Variants in CAMK4 observed in about 807,000 individuals in gnomAD.
CAMK4 encodes the protein calcium/calmodulin-dependent protein kinase type IV.
In CAMK4, 22 loss-of-function variants were observed where a neutral mutation model predicts 44.9. The observed-to-expected ratio is 0.49, with a 90% CI of 0.35 to 0.70. The LOEUF (loss-of-function observed/expected upper bound fraction) is 0.70, where lower values mean the gene tolerates loss of function less well. Among genes scored for constraint, CAMK4 ranks in the 30% least tolerant of loss-of-function variants. The pLI is 0.01. For missense variants in CAMK4, 498 were observed against 586.8 expected (o/e 0.85, Z 1.56); for synonymous variants, 218 against 215.4 (o/e 1.01, Z -0.11).
intron 1 of CAMK4, among the ~76,000 whole-genome samples, chr5:111,328,778 G>T (rs1749018732): frequency 6.6e-6 from 1 of 151,994 alleles, no homozygotes; most frequent in Admixed American, 6.6e-5. Context: ...AAGCAATTGT[G>T]AATGGGAGTT....
intron 2 of CAMK4, among the ~76,000 whole-genome samples, chr5:111,350,249 T>C (rs1750037960): frequency 6.6e-6 from 1 of 152,082 alleles, no homozygotes; most frequent in Non-Finnish European, 1.5e-5. Context: ...TGATGAACAT[T>C]ATTCTTATTA....
intron 7 of CAMK4, among the ~76,000 whole-genome samples, chr5:111,472,393 G>A (rs1450054027): frequency 6.6e-6 from 1 of 152,152 alleles, no homozygotes; most frequent in East Asian, 1.9e-4. Flanking sequence ...CCGCACTTGT[G>A]TTCAAAATCA....
chr5:111,479,913 C>G (rs898298463), intron 9 of CAMK4, among the ~76,000 whole-genome samples: 3 of 152,108 alleles, frequency 2.0e-5, no homozygotes, highest in Non-Finnish European at 4.4e-5. Flanking sequence ...TCTGACCTCC[C>G]TGCCTCTTCT....
intron 5 of CAMK4, among the ~76,000 whole-genome samples, chr5:111,419,287 GTTGT>G (rs1157482455): frequency 2.0e-5 from 3 of 152,130 alleles, no homozygotes; most frequent in African/African-American, 7.2e-5. Context: ...TTTTGATGGG[GTTGT>G]TTGTTTTTTT....
chr5:111,290,674 C>T lies in CAMK4; in HGVS notation c.162-53350C>T, dbSNP rs1747204558. ...GCTAGTGTTTCCACTGGTGTTTCCA[C>T]ATTTGTGAGTTGCATATGTGCGGGT... On this transcript the variant is annotated intron_variant, in intron 1 of 10. Transcript: ENST00000282356. The surrounding 1 kb of genome is among the most constrained non-coding windows in gnomAD (Gnocchi z 4.5). Among the ~76,000 whole-genome samples the T allele has an allele frequency of 6.6e-6, 1 of 152,114 alleles. No homozygotes were observed. The highest frequency in any genetic ancestry group is 1.5e-5 in the Non-Finnish European group (1 of 68,026).
chr5:111,379,612 T>C (rs369454115), intron 4 of CAMK4, among the ~76,000 whole-genome samples: 2 of 152,180 alleles, frequency 1.3e-5, no homozygotes, highest in South Asian at 4.1e-4. Flanking sequence ...ATCCAATGTA[T>C]TGATTTCTTT....
At chr5:111,335,543 A>G (rs968862190) in intron 1 of CAMK4, among the ~76,000 whole-genome samples, 1 of 151,374 alleles carries the variant, frequency 6.6e-6, no homozygotes, top group Admixed American at 6.6e-5. Flanking sequence ...TATGGGAGAA[A>G]AAGAAAGAAA....
intron 1 of CAMK4, among the ~76,000 whole-genome samples, chr5:111,332,163 C>G (rs892792584): frequency 6.6e-6 from 1 of 151,320 alleles, no homozygotes; most frequent in African/African-American, 2.4e-5. Context: ...ATGTGCCATG[C>G]TGGTGTGCTG....
rs533928061 is a variant in CAMK4, at chr5:111,280,228, C to A, written c.161+55584C>A. 2.0e-5 allele frequency among the ~76,000 whole-genome samples: 3 copies of A among 151,678 alleles called. No homozygotes were observed. The South Asian group carries it at 6.2e-4, about 31-fold the overall frequency. On this transcript the variant is annotated intron_variant, in intron 1 of 10. Transcript: ENST00000282356. ...CAGAACAAGCTTTTAAATGAATCTTCTAATTAGAAAAATATCAGGCTATAG... is the reference window on the plus strand; with the variant it reads ...CAGAACAAGCTTTTAAATGAATCTTATAATTAGAAAAATATCAGGCTATAG...
intron 7 of CAMK4, among the ~76,000 whole-genome samples, chr5:111,462,468 T>G (rs1169648034): frequency 2.6e-5 from 4 of 152,052 alleles, no homozygotes; most frequent in Admixed American, 2.6e-4. Flanking sequence ...ACACAGCAGG[T>G]GCTTAATAAA....
intron 1 of CAMK4, among the ~76,000 whole-genome samples, chr5:111,318,402 TTATAAAG>T (rs1184893842): frequency 6.6e-6 from 1 of 152,176 alleles, no homozygotes; most frequent in Non-Finnish European, 1.5e-5. Flanking sequence ...TCAATACTGT[TTATAAAG>T]TATAAGACTC....
chr5:111,472,320 T>C (rs1275231909), intron 7 of CAMK4, among the ~76,000 whole-genome samples: 1 of 152,130 alleles, frequency 6.6e-6, no homozygotes, highest in Non-Finnish European at 1.5e-5. Flanking sequence ...CCCCAAGGCC[T>C]TCCTCAAGCA....
intron 1 of CAMK4, among the ~76,000 whole-genome samples, chr5:111,335,752 G>T (rs572682688): frequency 2.2e-4 from 33 of 151,246 alleles, no homozygotes; most frequent in African/African-American, 7.3e-4. Context: ...TCAACATCAG[G>T]TGTTAATAGC....
At chr5:111,273,003 C>A (rs1190296300) in intron 1 of CAMK4, among the ~76,000 whole-genome samples, 2 of 152,114 alleles carry the variant, frequency 1.3e-5, no homozygotes, top group Non-Finnish European at 2.9e-5. Flanking sequence ...AGTGCCATAT[C>A]TATTTCTGTG....
chr5:111,276,064 C>G (rs1309180029), intron 1 of CAMK4, among the ~76,000 whole-genome samples: 2 of 152,058 alleles, frequency 1.3e-5, no homozygotes, highest in Admixed American at 1.3e-4. Context: ...GCTTATTTTC[C>G]TCTAAAATCC....
intron 5 of CAMK4, among the ~76,000 whole-genome samples, chr5:111,401,778 C>G (rs185477276): frequency 6.6e-6 from 1 of 151,996 alleles, no homozygotes; most frequent in Non-Finnish European, 1.5e-5. Flanking sequence ...AAACAGCTAC[C>G]CCTAGGACTG....
intron 7 of CAMK4, among the ~76,000 whole-genome samples, chr5:111,465,921 C>G (rs1754811169): frequency 1.3e-5 from 2 of 152,120 alleles, no homozygotes. Flanking sequence ...GATCAATATT[C>G]CTGATGAATA....
At chr5:111,258,740 CGTGTGTGTGTGTGTGTGTGTGTGT>C (rs201959904) in intron 1 of CAMK4, among the ~76,000 whole-genome samples, 34 of 139,234 alleles carry the variant, frequency 2.4e-4, no homozygotes, top group East Asian at 1.1e-3. Flanking sequence ...GAGTTATCAG[CGTGTGTGTGTGTGTGTGTGTGTGT>C]GTGTGTGTGT....
chr5:111,283,880 A>G (rs982196887), intron 1 of CAMK4, among the ~76,000 whole-genome samples: 4 of 152,190 alleles, frequency 2.6e-5, no homozygotes, highest in African/African-American at 4.8e-5. Context: ...TTAATGATCT[A>G]TTTCCATCCT....
Sources: allele counts gnomAD v4.1 joint callset (sites outside exome capture counted in the v4.1 genomes callset), GRCh38; gene constraint gnomAD v4.1.1; non-coding constraint Gnocchi (gnomAD v3.1); transcripts MANE v1.5; gene names NCBI Gene and HGNC (gene_info 2026-07-23, HGNC 2026-07-21).